TIAM1: variants seen among roughly 807,000 people sequenced by gnomAD.
TIAM1 encodes the protein TIAM Rac1 associated GEF 1.
Under a neutral mutation model 163.5 loss-of-function variants are expected in TIAM1, and 65 were observed. That is an observed-to-expected ratio of 0.40 (90% CI 0.33 to 0.49). The LOEUF (loss-of-function observed/expected upper bound fraction) is 0.49. Ranked by LOEUF, TIAM1 falls within the 20% of genes least tolerant of loss-of-function variation. The probability of loss-of-function intolerance (pLI) is 0.77; values close to 1 mark genes in which losing one functional copy is unlikely to be tolerated. For missense variants in TIAM1, 1,789 were observed against 2,044.7 expected, an observed-to-expected ratio of 0.87 and a Z score of 2.41; for synonymous variants, 833 against 810.1, an observed-to-expected ratio of 1.03 and a Z score of -0.48.
intron 1 of TIAM1, among the ~76,000 whole-genome samples, chr21:31,473,500 T>G (rs1414044640): frequency 7.9e-6 from 1 of 127,254 alleles, no homozygotes; most frequent in African/African-American, 2.9e-5. Flanking sequence ...GCATATTAGA[T>G]CCCAGGTTGA....
At chr21:31,148,004 CAAAAAAAAAAAAAA>C (rs34410316) in intron 19 of TIAM1, among the ~76,000 whole-genome samples, 4 of 63,792 alleles carry the variant, frequency 6.3e-5, no homozygotes, top group African/African-American at 5.9e-5. Flanking sequence ...TGTCCATGAC[CAAAAAAAAAAAAAA>C]AAAAAAAAAA....
chr21:31,515,792 C>G (rs368426962), intron 1 of TIAM1, among the ~76,000 whole-genome samples: 200 of 152,200 alleles, frequency 1.3e-3, no homozygotes, highest in African/African-American at 4.7e-3. Context: ...CTGTTCATGA[C>G]CATTGTCTGC....
chr21:31,247,137 T>G (rs1006625751), intron 5 of TIAM1, among the ~76,000 whole-genome samples: 8 of 151,764 alleles, frequency 5.3e-5, no homozygotes, highest in African/African-American at 1.9e-4. Flanking sequence ...GTGGGCAATA[T>G]AGCGAGGCCT....
At chr21:31,447,180 G>A (rs1363810841) in intron 2 of TIAM1, among the ~76,000 whole-genome samples, 2 of 152,186 alleles carry the variant, frequency 1.3e-5, no homozygotes. Context: ...CTTGAGCCCA[G>A]GAGTTCCAGA....
Position 31,266,912 on chromosome 21 carries a change from G to C in TIAM1, c.61C>G (p.Leu21Val). 4.3e-6 allele frequency: 7 copies of C among 1,612,296 alleles called. No homozygotes were observed. Among genetic ancestry groups the C allele is most frequent in the Non-Finnish European group, 5.1e-6 (6 of 1,178,608 alleles). Residue 21 changes from leucine (L) to valine (V), a missense_variant, in exon 4 of 28, where the codon CTG (leucine) becomes GTG (valine). Physicochemically the swap from Leu to Val is conservative, Grantham distance 32. Transcript: ENST00000541036. ...HEFYGEKHAS[L>V]GRKHTSRSLR... ...GAGCGGGAAGTGTGCTTGCGCCCCA[G>C]GCTGGCATGCTTTTCTCCATAAAAC... is the stretch of plus-strand genomic sequence containing the variant.
intron 1 of TIAM1, among the ~76,000 whole-genome samples, chr21:31,341,103 GC>G: frequency 6.6e-6 from 1 of 152,262 alleles, no homozygotes; most frequent in Middle Eastern, 3.4e-3. Context: ...AGGGTAGGAG[GC>G]AGAAAATACT....
chr21:31,193,582 G>A (rs770229717), intron 13 of TIAM1, among the ~76,000 whole-genome samples: 5 of 152,148 alleles, frequency 3.3e-5, no homozygotes, highest in Non-Finnish European at 5.9e-5. Flanking sequence ...CACTCCATGC[G>A]CCTTTTCCCT....
chr21:31,413,423 A>C (rs955290688), intron 2 of TIAM1, among the ~76,000 whole-genome samples: 12 of 151,624 alleles, frequency 7.9e-5, no homozygotes, highest in Non-Finnish European at 4.4e-5. Flanking sequence ...GCACATGCCA[A>C]CATGCCCGGC....
intron 2 of TIAM1, among the ~76,000 whole-genome samples, chr21:31,449,761 C>T (rs575749126): frequency 6.6e-6 from 1 of 152,308 alleles, no homozygotes; most frequent in African/African-American, 2.4e-5. Flanking sequence ...ATCTTCCTGG[C>T]AACTGTCACA....
intron 1 of TIAM1, among the ~76,000 whole-genome samples, chr21:31,466,819 G>A (rs754303776): frequency 1.5e-4 from 23 of 152,056 alleles, no homozygotes; most frequent in Admixed American, 3.3e-4. Context: ...TCAAGCTACC[G>A]TACAATAAGG....
At chr21:31,514,851 C>G (rs1415251439) in intron 1 of TIAM1, among the ~76,000 whole-genome samples, 1 of 152,220 alleles carries the variant, frequency 6.6e-6, no homozygotes, top group African/African-American at 2.4e-5. Context: ...CTGCAGCCCG[C>G]AGCTGGGTGG....
At chr21:31,355,110 C>A (rs375382193) in intron 2 of TIAM1, among the ~76,000 whole-genome samples, 3 of 151,078 alleles carry the variant, frequency 2.0e-5, no homozygotes, top group African/African-American at 7.3e-5. Context: ...TTAGTCAGGT[C>A]GGCTGGGTCT....
At chr21:31,407,074 AGAGCTCCGTGCCATATTGAT>A (rs1442234468) in intron 2 of TIAM1, among the ~76,000 whole-genome samples, 2 of 152,208 alleles carry the variant, frequency 1.3e-5, no homozygotes, top group African/African-American at 4.8e-5. Context: ...ACTAGGAGGC[AGAGCTCCGTGCCATATTGAT>A]GAGGTTCTCT....
chr21:31,421,100 C>T (rs1057003385), intron 2 of TIAM1, among the ~76,000 whole-genome samples: 1 of 150,928 alleles, frequency 6.6e-6, no homozygotes, highest in Non-Finnish European at 1.5e-5. Context: ...CACTACACTC[C>T]AGCCTGGGCA....
intron 13 of TIAM1, among the ~76,000 whole-genome samples, chr21:31,189,276 A>ACTG (rs2085447763): frequency 1.3e-5 from 2 of 151,612 alleles, no homozygotes; most frequent in Non-Finnish European, 2.9e-5. Flanking sequence ...ACTGGTCTCA[A>ACTG]ACTCCTGACT....
intron 11 of TIAM1, 101 bp from the exon 12 acceptor site, chr21:31,203,113 G>A (rs1335549498): frequency 2.0e-6 from 2 of 977,566 alleles, no homozygotes; most frequent in Non-Finnish European, 3.1e-6. Flanking sequence ...GACCAATAGA[G>A]TTTGTTGTTG....
intron 2 of TIAM1, among the ~76,000 whole-genome samples, chr21:31,366,761 G>C (rs1400798048): frequency 6.6e-6 from 1 of 152,110 alleles, no homozygotes; most frequent in African/African-American, 2.4e-5. Context: ...GGAATTACAG[G>C]CATGTGCCAT....
At chr21:31,430,113 G>A (rs960401809) in intron 2 of TIAM1, among the ~76,000 whole-genome samples, 1 of 151,564 alleles carries the variant, frequency 6.6e-6, no homozygotes, top group Non-Finnish European at 1.5e-5. Context: ...GGCTGAGGCA[G>A]GAGAATCGCT....
chr21:31,519,852 C>T (rs2047518959), intron 1 of TIAM1, among the ~76,000 whole-genome samples: 1 of 152,146 alleles, frequency 6.6e-6, no homozygotes, highest in Non-Finnish European at 1.5e-5. Flanking sequence ...CAGTCGAATA[C>T]ATAGAGATAG....
Sources: gnomAD v4.1 joint callset for allele counts (sites outside exome capture counted in the v4.1 genomes callset) on GRCh38, gnomAD v4.1.1 for gene constraint, MANE v1.5 for transcripts, NCBI Gene and HGNC (gene_info 2026-07-23, HGNC 2026-07-21) for gene names.